Variants in H2BW1 observed in about 807,000 individuals in gnomAD.
H2BW1 encodes H2B.W histone 1.
Under a neutral mutation model 8.0 loss-of-function variants are expected in H2BW1, and 9 were observed. The ratio of observed to expected loss-of-function variants is 1.13; its 90% CI spans 0.68 to 1.97. H2BW1 has a LOEUF of 1.97. Among genes scored for constraint, H2BW1 ranks in the 30% most tolerant of loss-of-function variants. The probability of loss-of-function intolerance (pLI) is 0.00; values close to 1 mark genes in which losing one functional copy is unlikely to be tolerated. For synonymous variants in H2BW1, 58 were observed against 54.7 expected (o/e 1.06, Z -0.26); for missense variants, 137 against 132.0 (o/e 1.04, Z -0.19).
intron 1 of H2BW1, 131 bp downstream of exon 1, chrX:104,013,039 C>T: frequency 1.0e-6 from 1 of 972,955 alleles, no homozygotes; most frequent in Non-Finnish European, 1.4e-6. Flanking sequence ...CACCACCCAC[C>T]CCAGCCTCCG....
chrX:104,011,921 G>C (rs1183452749), intron 2 of H2BW1, among the ~76,000 whole-genome samples: 2 of 111,378 alleles, frequency 1.8e-5, no homozygotes, highest in Non-Finnish European at 3.8e-5. Context: ...CAATCCCAGA[G>C]TATGTTCTCT....
Position 104,013,402 on chromosome X carries a change from G to A in H2BW1, c.175C>T (p.Arg59Trp), listed in dbSNP as rs17332043. 0.023 allele frequency: 27,392 copies of A among 1,210,876 alleles called. 265 individuals carry two copies. The highest frequency in any genetic ancestry group is 0.028 in the Non-Finnish European group (24,649 of 895,362). The change falls in exon 1 of 3, where the codon CGG becomes TGG. Residue 59 changes from arginine to tryptophan, a missense_variant. Transcript: ENST00000217926. ...CCCTGGTGAACCTGCTTCAGCACCCGGCGGAAATAGGTGGCGAAGCTGTCC... is the reference window on the plus strand; with the variant it reads ...CCCTGGTGAACCTGCTTCAGCACCCAGCGGAAATAGGTGGCGAAGCTGTCC... ...RGDSFATYFR[R>W]VLKQVHQGLS...
rs782712450 is a variant in H2BW1, at chrX:104,013,056, T to TC, written c.407+113dup. Reference sequence around the variant, plus strand: ...CCACCCACCCCAGCCTCCGGTGGTGTCCCCCTTGGCGAGCCACTGGTCTTT... The same window carrying TC: ...CCACCCACCCCAGCCTCCGGTGGTGTCCCCCCTTGGCGAGCCACTGGTCTTT... On this transcript the variant is annotated intron_variant, in intron 1 of 2. Transcript: ENST00000217926. 1.2e-5 allele frequency: 12 copies of TC among 1,030,823 alleles called. No individual in the cohort carries two copies. The South Asian group carries it at 2.3e-4, about 20-fold the overall frequency. The allele number at this position is 1,030,823 out of a possible 1,213,427, so 85.0% of individuals were successfully genotyped here.
In H2BW1 at chrX:104,013,630, G is replaced by C. The variant is rs781797434; in HGVS notation, c.-54C>G. ...GACCAGACAATGGCGGTTGTGGACCGGGGAAGCCGGGGCACTTCGGTACGC... is the reference window on the plus strand; with the variant it reads ...GACCAGACAATGGCGGTTGTGGACCCGGGAAGCCGGGGCACTTCGGTACGC... On this transcript the variant is annotated 5_prime_UTR_variant, in exon 1 of 3. Transcript: ENST00000217926. The C allele has an allele frequency of 1.7e-6, 2 of 1,205,693 alleles. No individual in the cohort carries two copies. Among genetic ancestry groups the C allele is most frequent in the Non-Finnish European group, 2.2e-6 (2 of 892,197 alleles).
intron 1 of H2BW1, 106 bp downstream of exon 1, chrX:104,013,064 G>T: frequency 9.4e-7 from 1 of 1,067,713 alleles, no homozygotes; most frequent in Non-Finnish European, 1.2e-6. Flanking sequence ...TGTCCCCCTT[G>T]GCGAGCCACT....
rs1294461772 is a variant in H2BW1, at chrX:104,013,150, C to T, written c.407+20G>A. ...TGGTGCTCGGGTGCTCCTGAGGGAG[C>T]GCACTTGCTCCTGGTGTACCTGAGG... is the stretch of plus-strand genomic sequence containing the variant. On this transcript the variant is annotated intron_variant, in intron 1 of 2. Coordinates refer to ENST00000217926, the MANE Select transcript of H2BW1 (RefSeq NM_001002916.5). 8.5e-6 allele frequency: 10 copies of T among 1,183,163 alleles called. No individual in the cohort carries two copies. Among genetic ancestry groups the T allele is most frequent in the African/African-American group, 1.8e-5 (1 of 56,688 alleles).
chrX:104,011,407 T>C lies in H2BW1; in HGVS notation c.*79A>G, dbSNP rs2075126352. 8.9e-6 allele frequency: 1 copy of C among 112,049 alleles called. No individual in the cohort carries two copies. The highest frequency in any genetic ancestry group is 3.8e-4 in the South Asian group (1 of 2,662). 9.2% of individuals were successfully genotyped at this position (112,049 alleles called of 1,213,427 possible). ...TGATTTCGTGGGGGGTTTTTCTTGG[T>C]CTCCTTGTGCAGTGAGCATTTCTCT... On this transcript the variant is annotated 3_prime_UTR_variant, in exon 3 of 3. Coordinates refer to ENST00000217926, the MANE Select transcript of H2BW1 (RefSeq NM_001002916.5).
chrX:104,012,845 A>T, intron 1 of H2BW1, 97 bp from the exon 2 acceptor site: 3 of 1,128,963 alleles, frequency 2.7e-6, no homozygotes, highest in Non-Finnish European at 2.4e-6. Context: ...CTAGAAACAT[A>T]ACTAACAAAA....
At position 104,012,685 on chromosome X, in the gene H2BW1, G is replaced by T. The variant is rs782588428; in HGVS notation, c.*22+5C>A. The T allele has an allele frequency of 2.6e-5, 32 of 1,209,771 alleles. No individual in the cohort carries two copies. The South Asian group carries it at 5.6e-4, about 21-fold the overall frequency. ...AGCGGTGTTGAAAACATTTAGGAGG[G>T]TTACCTTGCTTCTTGTATCAGCGTA... is the stretch of plus-strand genomic sequence containing the variant. On this transcript the variant is annotated splice_donor_5th_base_variant and intron_variant, in intron 2 of 2. Transcript: ENST00000217926.
In H2BW1 at chrX:104,013,630, G is replaced by A. The variant is rs781797434; in HGVS notation, c.-54C>T. The A allele has an allele frequency of 2.4e-5, 29 of 1,205,693 alleles. No individual in the cohort carries two copies. Among genetic ancestry groups the A allele is most frequent in the East Asian group, 8.9e-5 (3 of 33,638 alleles). ...GACCAGACAATGGCGGTTGTGGACC[G>A]GGGAAGCCGGGGCACTTCGGTACGC... On this transcript the variant is annotated 5_prime_UTR_variant, in exon 1 of 3. Coordinates refer to ENST00000217926, the MANE Select transcript of H2BW1 (RefSeq NM_001002916.5).
chrX:104,013,465 G>T lies in H2BW1; in HGVS notation c.112C>A (p.Arg38Ser). 1 of 1,211,930 alleles carries T rather than the reference G, an allele frequency of 8.3e-7. No homozygotes were observed. Among genetic ancestry groups the T allele is most frequent in the Non-Finnish European group, 1.1e-6 (1 of 895,482 alleles). ...GAGTGGCACCTGCGGGGCCCATGGC[G>T]CCCTCGCTTCCTCTGCTTGCTCTGC... ...QKQSKQRKRGRHGPRRCHSNC... is the reference protein window; with the variant it reads ...QKQSKQRKRGSHGPRRCHSNC... The change falls in exon 1 of 3, where the codon CGC becomes AGC. Residue 38 changes from arginine (R) to serine (S), a missense_variant. Coordinates refer to ENST00000217926, the MANE Select transcript of H2BW1 (RefSeq NM_001002916.5).
In H2BW1 at chrX:104,012,752, G is replaced by A. The variant is rs2075129690; in HGVS notation, c.408-4C>T. 1 of 1,209,874 alleles carries A rather than the reference G, an allele frequency of 8.3e-7. No individual in the cohort carries two copies. Among genetic ancestry groups the A allele is most frequent in the African/African-American group, 1.8e-5 (1 of 57,070 alleles). On this transcript the variant is annotated splice_polypyrimidine_tract_variant and splice_region_variant and intron_variant, in intron 1 of 2. Coordinates refer to ENST00000217926, the MANE Select transcript of H2BW1 (RefSeq NM_001002916.5). The stretch of plus-strand genomic sequence containing the variant: ...CTGTATGGCATACAGTGAAGTTCTG[G>A]AAAATTCCACCATCCAGTCACAGGA...
In H2BW1 at chrX:104,013,321, A is replaced by G. The variant is rs1556337758; in HGVS notation, c.256T>C (p.Leu86=). 2 of 1,211,838 alleles carry G rather than the reference A, an allele frequency of 1.7e-6. No individual in the cohort carries two copies. Among genetic ancestry groups the G allele is most frequent in the African/African-American group, 1.7e-5 (1 of 57,868 alleles). The change falls in exon 1 of 3, where the codon TTG becomes CTG. Residue 86 remains leucine, a synonymous_variant. Transcript: ENST00000217926. ...CCAGCCTCGGTGGCGATGCGGTCCA[A>G]TATGTCATGAACCAAAGAATCCATG... is the stretch of plus-strand genomic sequence containing the variant. The part of the protein sequence containing the change: ...SVMDSLVHDI[L]DRIATEAGHL...
At chrX:104,012,164 T>C (rs1358942091) in intron 2 of H2BW1, among the ~76,000 whole-genome samples, 1 of 112,342 alleles carries the variant, frequency 8.9e-6, no homozygotes, top group Non-Finnish European at 1.9e-5. Context: ...AGGCTGACCA[T>C]CCTCTGCATA....
chrX:104,011,745 C>G (rs1342690668), intron 2 of H2BW1, among the ~76,000 whole-genome samples: 4 of 112,154 alleles, frequency 3.6e-5, no homozygotes, highest in Non-Finnish European at 7.5e-5. Flanking sequence ...TTGTCATTTT[C>G]CCAGCTTTTG....
chrX:104,013,285 G>A lies in H2BW1; in HGVS notation c.292C>T (p.Arg98Cys), dbSNP rs144407295. ...RIATEAGHLA[R>C]STKRQTITAW... The stretch of plus-strand genomic sequence containing the variant: ...GTGATGGTCTGGCGCTTGGTGGAGC[G>A]GGCCAGGTGACCAGCCTCGGTGGCG... Residue 98 changes from arginine (R) to cysteine (C), a missense_variant, in exon 1 of 3, where the codon CGC (arginine) becomes TGC (cysteine). By Grantham distance (180) the Arg-to-Cys change is radical. Coordinates refer to ENST00000217926, the MANE Select transcript of H2BW1 (RefSeq NM_001002916.5). 7.7e-4 allele frequency: 937 copies of A among 1,210,546 alleles called. No individual in the cohort carries two copies. The highest frequency in any genetic ancestry group is 9.7e-4 in the Non-Finnish European group (865 of 895,376).
intron 1 of H2BW1, 86 bp from the exon 2 acceptor site, chrX:104,012,834 C>G: frequency 8.7e-7 from 1 of 1,147,109 alleles, no homozygotes; most frequent in Non-Finnish European, 1.2e-6. Flanking sequence ...ATATAGATAG[C>G]CTAGAAACAT....
In H2BW1 at chrX:104,013,430, G is replaced by C. The variant is rs200653934; in HGVS notation, c.147C>G (p.Arg49=). The change falls in exon 1 of 3, where the codon CGC becomes CGG. Residue 49 remains arginine, a synonymous_variant. Transcript: ENST00000217926. ...GGAAATAGGTGGCGAAGCTGTCCCC[G>C]CGGCAGTTGGAGTGGCACCTGCGGG... ...HGPRRCHSNC[R]GDSFATYFRR... The C allele has an allele frequency of 8.2e-7, 1 of 1,212,254 alleles. No homozygotes were observed. The highest frequency in any genetic ancestry group is 1.1e-6 in the Non-Finnish European group (1 of 895,644).
rs1286261616 is a variant in H2BW1, at chrX:104,013,699, G to A, written c.-123C>T. The A allele has an allele frequency of 8.5e-7, 1 of 1,174,544 alleles. No homozygotes were observed. Among genetic ancestry groups the A allele is most frequent in the Non-Finnish European group, 1.1e-6 (1 of 875,456 alleles). Reference sequence around the variant, plus strand: ...GGGCCAGCTTCACGTCTGATTGGATGAAGTGTCACGCAGGGAGCCTCTCAG... The same window carrying A: ...GGGCCAGCTTCACGTCTGATTGGATAAAGTGTCACGCAGGGAGCCTCTCAG... On this transcript the variant is annotated 5_prime_UTR_variant, in exon 1 of 3. Transcript: ENST00000217926.
Sources: allele counts gnomAD v4.1 joint callset (sites outside exome capture counted in the v4.1 genomes callset), GRCh38; gene constraint gnomAD v4.1.1; transcripts MANE v1.5; gene names NCBI Gene and HGNC (gene_info 2026-07-23, HGNC 2026-07-21).